RARB: variants seen among roughly 807,000 people sequenced by gnomAD.
RARB encodes the protein retinoic acid receptor beta.
Under a neutral mutation model 51.9 loss-of-function variants are expected in RARB, and 17 were observed. The observed-to-expected ratio is 0.33, with a 90% confidence interval of 0.22 to 0.49. The LOEUF (loss-of-function observed/expected upper bound fraction) is 0.49. RARB is among the 20% of genes least tolerant of loss of function. RARB has a pLI of 0.99. For missense variants in RARB, 369 were observed against 550.8 expected (o/e 0.67, Z 3.30); for synonymous variants, 215 against 195.4 (o/e 1.10, Z -0.84).
At chr3:25,380,728 T>A (rs762943462) in intron 5 of RARB, among the ~76,000 whole-genome samples, 21 of 152,204 alleles carry the variant, frequency 1.4e-4, no homozygotes, top group African/African-American at 4.8e-4. Context: ...TGCCCAATTA[T>A]AGCAACTGGA....
chr3:24,830,724 A>T (rs1702268853), intron 1 of RARB, among the ~76,000 whole-genome samples: 1 of 151,826 alleles, frequency 6.6e-6, no homozygotes. Context: ...CTGTCCTGCC[A>T]GTTATGGAGG....
At chr3:24,935,629 C>T (rs1695532781) in intron 2 of RARB, among the ~76,000 whole-genome samples, 2 of 152,136 alleles carry the variant, frequency 1.3e-5, no homozygotes, top group African/African-American at 2.4e-5. Flanking sequence ...TTCACAATCC[C>T]TAGGACGTAG....
chr3:24,896,309 G>C (rs2125367909), intron 2 of RARB, among the ~76,000 whole-genome samples: 1 of 152,240 alleles, frequency 6.6e-6, no homozygotes, highest in Middle Eastern at 3.4e-3. Flanking sequence ...ACCCAGGCTG[G>C]AGTGCCGTGG....
At chr3:25,566,401 G>C (rs1700497725) in intron 3 of RARB, among the ~76,000 whole-genome samples, 1 of 152,172 alleles carries the variant, frequency 6.6e-6, no homozygotes, top group African/African-American at 2.4e-5. Context: ...AAAGGAGTGT[G>C]GAAAGTAGCC....
At chr3:25,515,725 A>G (rs1430680604) in intron 3 of RARB, among the ~76,000 whole-genome samples, 2 of 152,216 alleles carry the variant, frequency 1.3e-5, no homozygotes, top group African/African-American at 4.8e-5. Flanking sequence ...TGTCTATATG[A>G]TAATGAGAAG....
At chr3:25,334,577 T>C (rs1449880370) in intron 5 of RARB, among the ~76,000 whole-genome samples, 1 of 152,060 alleles carries the variant, frequency 6.6e-6, no homozygotes, top group African/African-American at 2.4e-5. Flanking sequence ...ATACCTAATG[T>C]AAATGACAAG....
chr3:25,328,921 C>T (rs1704807759), intron 5 of RARB, among the ~76,000 whole-genome samples: 1 of 152,188 alleles, frequency 6.6e-6, no homozygotes, highest in African/African-American at 2.4e-5. Context: ...GAGCCTCGCT[C>T]ACTGCTAGCA....
chr3:25,382,861 C>G (rs1194334912), intron 5 of RARB, among the ~76,000 whole-genome samples: 1 of 150,880 alleles, frequency 6.6e-6, no homozygotes, highest in African/African-American at 2.5e-5. Context: ...CCATCTCAAA[C>G]AAATAAACAA....
intron 5 of RARB, among the ~76,000 whole-genome samples, chr3:25,286,521 A>G (rs1703661321): frequency 6.6e-6 from 1 of 152,180 alleles, no homozygotes; most frequent in African/African-American, 2.4e-5. Context: ...AGTGTGTCCT[A>G]TACAACATTG....
intron 3 of RARB, among the ~76,000 whole-genome samples, chr3:25,502,955 AG>A (rs1352364870): frequency 1.3e-5 from 2 of 152,244 alleles, no homozygotes; most frequent in Admixed American, 6.5e-5. Flanking sequence ...AACCCATTAC[AG>A]CTTTTGGAAT....
At chr3:25,376,102 G>A (rs1706452327) in intron 5 of RARB, among the ~76,000 whole-genome samples, 2 of 152,158 alleles carry the variant, frequency 1.3e-5, no homozygotes, top group South Asian at 4.1e-4. Context: ...TTTATTGCAG[G>A]TCTAATGATG....
intron 5 of RARB, among the ~76,000 whole-genome samples, chr3:25,287,175 G>A (rs183367564): frequency 4.6e-5 from 7 of 152,166 alleles, no homozygotes; most frequent in Non-Finnish European, 7.3e-5. Context: ...ATAACATCTT[G>A]AACAAAGTTA....
In RARB at chr3:24,938,433, T is replaced by C. The variant is rs550503196; in HGVS notation, c.-380+79681T>C. 3.9e-5 allele frequency among the ~76,000 whole-genome samples: 6 copies of C among 152,284 alleles called. No homozygotes were observed. The South Asian group carries it at 6.2e-4, about 16-fold the overall frequency. On this transcript the variant is annotated intron_variant, in intron 2 of 11. Coordinates refer to the RARB transcript ENST00000383772. Reference sequence around the variant, plus strand: ...CTTCATTCTGCCATAGATGTATTTTTTGTTTTCAGTCCAGTAGATATTCTG... The same window carrying C: ...CTTCATTCTGCCATAGATGTATTTTCTGTTTTCAGTCCAGTAGATATTCTG...
intron 2 of RARB, among the ~76,000 whole-genome samples, chr3:24,919,333 C>T (rs56761866): frequency 0.072 from 10,951 of 152,174 alleles, 582 homozygotes; most frequent in East Asian, 0.28. Flanking sequence ...ATGTGAAGTT[C>T]GGCCTAAAAG....
At chr3:24,947,138 C>T (rs116196872) in intron 2 of RARB, among the ~76,000 whole-genome samples, 1,574 of 152,262 alleles carry the variant, frequency 0.01, 29 homozygotes, top group African/African-American at 0.035. Context: ...TATGTCTACA[C>T]TGAGCCAAGA....
chr3:25,112,868 C>T lies in RARB; in HGVS notation c.-327-19293C>T, dbSNP rs571873356. Among the ~76,000 whole-genome samples, 161 of 152,222 alleles carry T rather than the reference C, an allele frequency of 1.1e-3. 1 individual carries two copies. The highest frequency in any genetic ancestry group is 3.6e-3 in the African/African-American group (148 of 41,522). On this transcript the variant is annotated intron_variant, in intron 3 of 11. Transcript: ENST00000383772. ...TATTTTGAGGGCAGAGTCATGTCAA[C>T]GTAATGGTGTAAAAAATACACAGAT... is the stretch of plus-strand genomic sequence containing the variant.
At chr3:25,507,483 A>ATTGATGCT (rs1697669544) in intron 3 of RARB, among the ~76,000 whole-genome samples, 1 of 152,176 alleles carries the variant, frequency 6.6e-6, no homozygotes, top group African/African-American at 2.4e-5. Flanking sequence ...TGACATGAGA[A>ATTGATGCT]TTGATGCTTT....
chr3:25,547,586 G>A (rs927252534), intron 3 of RARB, among the ~76,000 whole-genome samples: 8 of 152,260 alleles, frequency 5.3e-5, no homozygotes, highest in Non-Finnish European at 1.2e-4. Flanking sequence ...GAGTTCAGTG[G>A]GTTACCCTTT....
At chr3:25,332,045 C>G (rs1704913360) in intron 5 of RARB, among the ~76,000 whole-genome samples, 1 of 152,068 alleles carries the variant, frequency 6.6e-6, no homozygotes, top group Non-Finnish European at 1.5e-5. Flanking sequence ...AGCTTACCAA[C>G]CAAAAAAAGT....
Sources: gnomAD v4.1 joint callset for allele counts (sites outside exome capture counted in the v4.1 genomes callset) on GRCh38, gnomAD v4.1.1 for gene constraint, MANE v1.5 for transcripts, NCBI Gene and HGNC (gene_info 2026-07-23, HGNC 2026-07-21) for gene names.